DEPDC7: variants seen among roughly 807,000 people sequenced by gnomAD.
DEPDC7 encodes DEP domain containing 7, also known as DEP domain-containing protein 7.
Under a neutral mutation model 56.6 loss-of-function variants are expected in DEPDC7, and 41 were observed. That is an observed-to-expected ratio of 0.72 (90% confidence interval 0.56 to 0.94). The LOEUF is 0.94. DEPDC7 is among the 40% of genes least tolerant of loss of function. The probability of loss-of-function intolerance (pLI) is 0.00; values close to 1 mark genes in which losing one functional copy is unlikely to be tolerated. For synonymous variants in DEPDC7, 185 were observed against 208.8 expected, an observed-to-expected ratio of 0.89 and a Z score of 0.98; for missense variants, 522 against 596.3, an observed-to-expected ratio of 0.88 and a Z score of 1.30.
intron 1 of DEPDC7, chr11:33,016,333 G>A: frequency 7.2e-7 from 1 of 1,396,796 alleles, no homozygotes; most frequent in South Asian, 1.7e-5. Flanking sequence ...TGCCAGGCAC[G>A]CGCCGGGGAG....
Position 33,025,949 on chromosome 11 carries a change from C to A in DEPDC7, c.364C>A (p.Pro122Thr). 2 of 1,614,076 alleles carry A rather than the reference C, an allele frequency of 1.2e-6. No individual in the cohort carries two copies. The highest frequency in any genetic ancestry group is 1.7e-6 in the Non-Finnish European group (2 of 1,179,992). The change falls in exon 2 of 9, where the codon CCT becomes ACT. Residue 122 changes from proline (P) to threonine (T), a missense_variant. Coordinates refer to ENST00000241051, the MANE Select transcript of DEPDC7 (RefSeq NM_001077242.2). ...PTKVFGKDKK[P>T]TFEDSSCSLY... ...CAAAGTCTTTGGAAAAGACAAAAAACCTACATTTGAAGATAGTAGTTGCAG... is the reference window on the plus strand; with the variant it reads ...CAAAGTCTTTGGAAAAGACAAAAAAACTACATTTGAAGATAGTAGTTGCAG...
chr11:33,027,535 G>C (rs895101478), intron 2 of DEPDC7, 151 bp from the exon 3 acceptor site: 1 of 539,094 alleles, frequency 1.9e-6, no homozygotes. Flanking sequence ...AAGAAGGTGG[G>C]TGTTTTTATA....
Position 33,017,217 on chromosome 11 carries a change from A to G in DEPDC7, c.73+1189A>G, listed in dbSNP as rs566045476. Among the ~76,000 whole-genome samples the G allele has an allele frequency of 9.2e-5, 14 of 152,312 alleles. No individual in the cohort carries two copies. In the East Asian group the frequency reaches 2.7e-3, roughly 29 times the overall value. On this transcript the variant is annotated intron_variant, in intron 1 of 8. Coordinates refer to ENST00000241051, the MANE Select transcript of DEPDC7 (RefSeq NM_001077242.2). The stretch of plus-strand genomic sequence containing the variant: ...CACATTGAGAATGTCTCCTTGATTT[A>G]TGTTGTGAAGAGAAGACAAATGCTA...
chr11:33,023,019 A>G (rs1853537852), intron 1 of DEPDC7, among the ~76,000 whole-genome samples: 1 of 152,020 alleles, frequency 6.6e-6, no homozygotes, highest in Non-Finnish European at 1.5e-5. Flanking sequence ...AGGTCAGGAG[A>G]TCGAGACCAT....
chr11:33,019,820 C>T (rs545940372), intron 1 of DEPDC7, among the ~76,000 whole-genome samples: 2 of 151,282 alleles, frequency 1.3e-5, no homozygotes, highest in Non-Finnish European at 1.5e-5. Flanking sequence ...AAATCGGGCA[C>T]TAGCTCACCA....
chr11:33,033,448 G>C lies in DEPDC7; in HGVS notation c.1529G>C (p.Gly510Ala), dbSNP rs1444924814. 16 of 1,564,508 alleles carry C rather than the reference G, an allele frequency of 1.0e-5. No individual in the cohort carries two copies. Among genetic ancestry groups the C allele is most frequent in the Non-Finnish European group, 1.3e-5 (15 of 1,161,516 alleles). Residue 510 changes from glycine (G) to alanine (A), a missense_variant, in exon 9 of 9, where the codon GGA becomes GCA. Gly to Ala is a moderately conservative substitution (Grantham distance 60, BLOSUM62 0). Coordinates refer to ENST00000241051, the MANE Select transcript of DEPDC7 (RefSeq NM_001077242.2). ...CCAGACATCTTTATTGAGCATTTTG[G>C]AGACTGAGTTTTTAATATCTGTATA... ...CHPDIFIEHFGD is the reference protein window; with the variant it reads ...CHPDIFIEHFAD
chr11:33,031,109 C>T (rs7951757), intron 4 of DEPDC7, among the ~76,000 whole-genome samples: 112,912 of 151,784 alleles, frequency 0.74, 42,244 homozygotes, highest in East Asian at 0.87. Context: ...TGAATTTGTA[C>T]GCTCTTTTCA....
At chr11:33,016,125 G>A in intron 1 of DEPDC7, 97 bp downstream of exon 1, 1 of 1,240,798 alleles carries the variant, frequency 8.1e-7, no homozygotes, top group South Asian at 3.6e-5. Flanking sequence ...GCGTTCGGCC[G>A]CCTGCGCCTG....
intron 1 of DEPDC7, among the ~76,000 whole-genome samples, chr11:33,020,802 C>G (rs993467901): frequency 6.6e-6 from 1 of 152,230 alleles, no homozygotes; most frequent in South Asian, 2.1e-4. Context: ...TGTGCCTGCC[C>G]TGGCAGTTTA....
Position 33,026,069 on chromosome 11 carries a change from T to C in DEPDC7, c.464+20T>C, listed in dbSNP as rs765593581. On this transcript the variant is annotated intron_variant, in intron 2 of 8. Transcript: ENST00000241051. ...TGCCAGGTTGGTATATAATGTTAGA[T>C]TATCACGGGAATATTGGCAGGATTT... 1.1e-5 allele frequency: 18 copies of C among 1,612,922 alleles called. No homozygotes were observed. The South Asian group carries it at 1.8e-4, about 16-fold the overall frequency.
rs1853603077 is a variant in DEPDC7 at position 33,028,703 on chromosome 11, T to C, written c.693T>C (p.Pro231=). The C allele has an allele frequency of 6.2e-7, 1 of 1,613,996 alleles. No homozygotes were observed. The highest frequency in any genetic ancestry group is 2.2e-5 in the East Asian group (1 of 44,864). The change falls in exon 4 of 9, where the codon CCT becomes CCC. Residue 231 remains proline (P), a synonymous_variant. Transcript: ENST00000241051. The part of the protein sequence containing the change: ...DSLLKQQEAV[P]KIPQPKRQST... ...TACTGAAACAGCAAGAGGCTGTACC[T>C]AAAATTCCTCAACCTAAGAGGCAGT...
chr11:33,026,076 G>T (rs374941692), intron 2 of DEPDC7, 27 bp downstream of exon 2: 2 of 1,611,650 alleles, frequency 1.2e-6, no homozygotes, highest in South Asian at 1.1e-5. Context: ...AGATTATCAC[G>T]GGAATATTGG....
At chr11:33,029,520 ACT>A (rs987547888) in intron 4 of DEPDC7, among the ~76,000 whole-genome samples, 47 of 150,852 alleles carry the variant, frequency 3.1e-4, no homozygotes, top group African/African-American at 1.1e-3. Flanking sequence ...AATGAAAGTA[ACT>A]CTCTCATTCC....
chr11:33,027,740 C>T lies in DEPDC7; in HGVS notation c.519C>T (p.Asp173=), dbSNP rs757109741. ...SSDIRSASLE[D]LWENLSLKPA... ...ATATCAGATCAGCCAGTTTAGAGGACCTGTGGGAAAATCTGAGTTTAAAGC... is the reference window on the plus strand; with the variant it reads ...ATATCAGATCAGCCAGTTTAGAGGATCTGTGGGAAAATCTGAGTTTAAAGC... Residue 173 remains aspartate (D), a synonymous_variant, in exon 3 of 9, where the codon GAC becomes GAT. Coordinates refer to ENST00000241051, the MANE Select transcript of DEPDC7 (RefSeq NM_001077242.2). 1.8e-5 allele frequency: 29 copies of T among 1,576,500 alleles called. No individual in the cohort carries two copies. The South Asian group carries it at 3.3e-4, about 18-fold the overall frequency.
chr11:33,032,973 C>T lies in DEPDC7; in HGVS notation c.1342+6C>T. 1.3e-6 allele frequency: 2 copies of T among 1,557,058 alleles called. No individual in the cohort carries two copies. On this transcript the variant is annotated splice_donor_region_variant and intron_variant, in intron 8 of 8. Coordinates refer to ENST00000241051, the MANE Select transcript of DEPDC7 (RefSeq NM_001077242.2). Reference sequence around the variant, plus strand: ...AGATCCAAATAGAGATGCAGGTAATCTGAGAAATATTATTTTCATGATCTT... The same window carrying T: ...AGATCCAAATAGAGATGCAGGTAATTTGAGAAATATTATTTTCATGATCTT...
chr11:33,027,347 G>A (rs968759838), intron 2 of DEPDC7, among the ~76,000 whole-genome samples: 2 of 152,090 alleles, frequency 1.3e-5, no homozygotes, highest in Non-Finnish European at 2.9e-5. Context: ...TTTAGAAAAC[G>A]ATAAGTACTG....
At position 33,033,263 on chromosome 11, in the gene DEPDC7, A is replaced by T; in HGVS notation, c.1344A>T (p.Gly448=). The change falls in exon 9 of 9, where the codon GGA becomes GGT. Residue 448 remains glycine, a splice_region_variant and synonymous_variant. Transcript: ENST00000241051. ...QNGRDPNRDA[G]YIYCQRIDQR... ...AACTTTTTACTTTTAAACTTTAAGG[A>T]TATATTTATTGCCAGAGAATTGATC... The T allele has an allele frequency of 6.3e-7, 1 of 1,579,718 alleles. No homozygotes were observed. Among genetic ancestry groups the T allele is most frequent in the Non-Finnish European group, 8.6e-7 (1 of 1,166,240 alleles).
Position 33,028,643 on chromosome 11 carries a change from A to G in DEPDC7, c.633A>G (p.Leu211=), listed in dbSNP as rs371231815. The change falls in exon 4 of 9, where the codon CTA becomes CTG. Residue 211 remains leucine (L), a synonymous_variant. Transcript: ENST00000241051. The part of the protein sequence containing the change: ...EVWQEETIGR[L]LQLVDLPLLD... Reference sequence around the variant, plus strand: ...GGCAAGAAGAAACAATTGGGCGTCTACTACAACTTGTAGACCTTCCACTTC... The same window carrying G: ...GGCAAGAAGAAACAATTGGGCGTCTGCTACAACTTGTAGACCTTCCACTTC... 47 of 1,607,770 alleles carry G rather than the reference A, an allele frequency of 2.9e-5. 1 individual carries two copies. The African/African-American group carries it at 5.4e-4, about 18-fold the overall frequency.
intron 1 of DEPDC7, among the ~76,000 whole-genome samples, chr11:33,020,856 GTAGA>G (rs1159664621): frequency 6.6e-6 from 1 of 152,212 alleles, no homozygotes; most frequent in Admixed American, 6.5e-5. Context: ...TATTTTATCA[GTAGA>G]TAAAGAAACC....
Sources: allele counts gnomAD v4.1 joint callset (sites outside exome capture counted in the v4.1 genomes callset), GRCh38; gene constraint gnomAD v4.1.1; transcripts MANE v1.5; gene names NCBI Gene and HGNC (gene_info 2026-07-23, HGNC 2026-07-21).